XIRP2: variants seen among roughly 807,000 people sequenced by gnomAD.
XIRP2 encodes the protein xin actin binding repeat containing 2, also known as xin actin-binding repeat-containing protein 2.
A neutral mutation model predicts 277.0 loss-of-function variants in XIRP2; 236 were observed. The observed-to-expected ratio is 0.85, with a 90% CI of 0.77 to 0.95. The LOEUF (loss-of-function observed/expected upper bound fraction) is 0.95, where lower values mean the gene tolerates loss of function less well. Among genes scored for constraint, XIRP2 ranks in the 40% least tolerant of loss-of-function variants. XIRP2 has a pLI of 0.00. For missense variants in XIRP2, 4,640 were observed against 4,157.5 expected (o/e 1.12, Z -3.19); for synonymous variants, 1,490 against 1,416.5 (o/e 1.05, Z -1.17).
At chr2:166,958,093 G>A (rs1036504326) in intron 2 of XIRP2, among the ~76,000 whole-genome samples, 1 of 151,806 alleles carries the variant, frequency 6.6e-6, no homozygotes, top group African/African-American at 2.4e-5. Flanking sequence ...AAATGTGAGC[G>A]ACTTTGCTAA....
chr2:166,903,081 A>G (rs1684422201), intron 1 of XIRP2, among the ~76,000 whole-genome samples: 1 of 152,146 alleles, frequency 6.6e-6, no homozygotes, highest in Non-Finnish European at 1.5e-5. Flanking sequence ...CTTTCTTGTT[A>G]GACTTTTTAA....
intron 5 of XIRP2, among the ~76,000 whole-genome samples, chr2:167,235,647 GA>G (rs1386681200): frequency 6.6e-6 from 1 of 151,850 alleles, no homozygotes; most frequent in African/African-American, 2.4e-5. Flanking sequence ...CACAGGAATA[GA>G]AAAAGCAAGA....
At chr2:167,212,270 C>T (rs1456635891) in intron 4 of XIRP2, among the ~76,000 whole-genome samples, 1 of 152,156 alleles carries the variant, frequency 6.6e-6, no homozygotes, top group East Asian at 1.9e-4. Context: ...CATTGAGGAA[C>T]TTATTCGTGT....
intron 3 of XIRP2, among the ~76,000 whole-genome samples, chr2:167,165,745 A>C (rs544889733): frequency 2.6e-5 from 4 of 152,320 alleles, no homozygotes; most frequent in Non-Finnish European, 5.9e-5. Flanking sequence ...ACAGTCCCTT[A>C]TCAGATAAGT....
At chr2:167,111,223 T>G (rs1475058621) in intron 2 of XIRP2, among the ~76,000 whole-genome samples, 1 of 152,094 alleles carries the variant, frequency 6.6e-6, no homozygotes, top group African/African-American at 2.4e-5. Context: ...TGAATAGGAG[T>G]GGTAAGAGAG....
intron 2 of XIRP2, among the ~76,000 whole-genome samples, chr2:167,123,073 C>A (rs1451310895): frequency 6.6e-6 from 1 of 152,108 alleles, no homozygotes; most frequent in Non-Finnish European, 1.5e-5. Flanking sequence ...TTCAGCATTT[C>A]AAGAATGTAT....
chr2:167,244,287 A>G lies in XIRP2; in HGVS notation c.2895A>G (p.Lys965=). The G allele has an allele frequency of 6.2e-7, 1 of 1,613,886 alleles. No individual in the cohort carries two copies. The highest frequency in any genetic ancestry group is 8.5e-7 in the Non-Finnish European group (1 of 1,179,860). ...TAATTAAATTTGATGCATCACATAA[A>G]ATAGAGGTGGAAGGAGTTACAAGAG... ...NNLIKFDASH[K]IEVEGVTRGA... The change falls in exon 9 of 11, where the codon AAA becomes AAG. Residue 965 remains lysine, a synonymous_variant. Coordinates refer to ENST00000409195, the MANE Select transcript of XIRP2 (RefSeq NM_152381.6).
intron 2 of XIRP2, among the ~76,000 whole-genome samples, chr2:167,103,200 A>T (rs1690532077): frequency 6.6e-6 from 1 of 152,096 alleles, no homozygotes; most frequent in African/African-American, 2.4e-5. Context: ...GGTTGAGGGG[A>T]GAATATAGAA....
intron 2 of XIRP2, among the ~76,000 whole-genome samples, chr2:167,130,760 C>G (rs6432975): frequency 0.29 from 44,600 of 151,738 alleles, 9,067 homozygotes; most frequent in African/African-American, 0.58. Flanking sequence ...CCTGGTCTCT[C>G]CCTGCCCTAA....
At position 167,136,019 on chromosome 2, in the gene XIRP2, T is replaced by G. The variant is rs546765780; in HGVS notation, c.519T>G (p.Phe173Leu). The change falls in exon 3 of 11, where the codon TTT becomes TTG. Residue 173 changes from phenylalanine (F) to leucine (L), a missense_variant. By Grantham distance (22) the Phe-to-Leu change is conservative. Transcript: ENST00000409195. ...ACAAGAAAGGCAAGGAAACATCTTT[T>G]GACAAGATGTCACCTGAAAGTGGTC... Reference protein sequence around the residue: ...DSDKKGKETSFDKMSPESGHS... With the variant: ...DSDKKGKETSLDKMSPESGHS... 29 of 1,611,146 alleles carry G rather than the reference T, an allele frequency of 1.8e-5. 1 individual carries two copies. In the Middle Eastern group the frequency reaches 5.0e-4, roughly 28 times the overall value.
chr2:167,240,638 T>C, intron 6 of XIRP2, 26 bp from the exon 7 acceptor site: 3 of 1,603,966 alleles, frequency 1.9e-6, no homozygotes. Flanking sequence ...AAAAACAATT[T>C]ATTTTCAAAT....
chr2:167,033,679 C>T (rs1278982375), intron 2 of XIRP2, among the ~76,000 whole-genome samples: 1 of 151,890 alleles, frequency 6.6e-6, no homozygotes, highest in Non-Finnish European at 1.5e-5. Flanking sequence ...ATACATCTGG[C>T]AGCAGACTTC....
rs1695781109 is a variant in XIRP2, at chr2:167,259,442, A to G, written c.*1625A>G. 1 of 1,416,448 alleles carries G rather than the reference A, an allele frequency of 7.1e-7. No individual in the cohort carries two copies. The highest frequency in any genetic ancestry group is 2.4e-5 in the East Asian group (1 of 41,400). 87.7% of individuals were successfully genotyped at this position (1,416,448 alleles called of 1,614,324 possible). A position where few individuals can be genotyped will look rare whatever the true frequency, so the allele number is the denominator to read the frequency against. On this transcript the variant is annotated 3_prime_UTR_variant, in exon 11 of 11. Coordinates refer to ENST00000409195, the MANE Select transcript of XIRP2 (RefSeq NM_152381.6). Reference sequence around the variant, plus strand: ...CTGAAATAAGATTTTATGAATTTGGATACCCTTTTGAGGAACTTGATGTAA... The same window carrying G: ...CTGAAATAAGATTTTATGAATTTGGGTACCCTTTTGAGGAACTTGATGTAA...
At chr2:167,112,009 C>T (rs1690770376) in intron 2 of XIRP2, among the ~76,000 whole-genome samples, 1 of 152,094 alleles carries the variant, frequency 6.6e-6, no homozygotes, top group South Asian at 2.1e-4. Flanking sequence ...AGTGATAACA[C>T]TGCCTTTGTT....
At chr2:167,150,979 A>G (rs1400118133) in intron 3 of XIRP2, among the ~76,000 whole-genome samples, 1 of 152,116 alleles carries the variant, frequency 6.6e-6, no homozygotes, top group Non-Finnish European at 1.5e-5. Flanking sequence ...TGCAAGTTTA[A>G]AAATATTAGT....
intron 2 of XIRP2, among the ~76,000 whole-genome samples, chr2:167,013,960 A>G (rs1360519929): frequency 5.9e-5 from 9 of 151,430 alleles, no homozygotes; most frequent in Non-Finnish European, 1.3e-4. Context: ...GAGGACTTAA[A>G]GAGATTTGTG....
intron 2 of XIRP2, among the ~76,000 whole-genome samples, chr2:167,110,833 A>G (rs1207763943): frequency 6.6e-6 from 1 of 151,872 alleles, no homozygotes; most frequent in African/African-American, 2.4e-5. Context: ...TGTTTGTATC[A>G]TTTCTGGTTT....
At chr2:167,064,381 A>C (rs965096224) in intron 2 of XIRP2, among the ~76,000 whole-genome samples, 1 of 151,914 alleles carries the variant, frequency 6.6e-6, no homozygotes, top group African/African-American at 2.4e-5. Context: ...TTTATAGCGC[A>C]TACTTCTATT....
chr2:166,895,398 A>G (rs752499176), intron 1 of XIRP2, among the ~76,000 whole-genome samples: 1 of 152,166 alleles, frequency 6.6e-6, no homozygotes, highest in Non-Finnish European at 1.5e-5. Flanking sequence ...AACTTAGCAA[A>G]GACAACCACC....
Sources: gnomAD v4.1 joint callset for allele counts (sites outside exome capture counted in the v4.1 genomes callset) on GRCh38, gnomAD v4.1.1 for gene constraint, MANE v1.5 for transcripts, NCBI Gene and HGNC (gene_info 2026-07-23, HGNC 2026-07-21) for gene names.